SLC38A12: variants seen among roughly 807,000 people sequenced by gnomAD.
SLC38A12 encodes the protein putative sodium-coupled neutral amino acid transporter 12.
chr17:74,812,698 C>T, the SLC38A12 span, among the ~76,000 whole-genome samples: 3 of 152,172 alleles, frequency 2.0e-5, no homozygotes, highest in Admixed American at 6.5e-5. Context: ...ACTCCAAGCC[C>T]GAGTGCTCCG....
At chr17:74,807,024 C>G in the SLC38A12 span, among the ~76,000 whole-genome samples, 1 of 152,154 alleles carries the variant, frequency 6.6e-6, no homozygotes, top group Non-Finnish European at 1.5e-5. Context: ...CACAGAAGCT[C>G]CTCTCCAGAA....
At chr17:74,821,246 C>G in the SLC38A12 span, among the ~76,000 whole-genome samples, 490 of 152,326 alleles carry the variant, frequency 3.2e-3, 3 homozygotes, top group African/African-American at 0.011. Context: ...TTGTGAGGCC[C>G]CCACAGGGGC....
At chr17:74,794,220 G>A in the SLC38A12 span, among the ~76,000 whole-genome samples, 10 of 152,228 alleles carry the variant, frequency 6.6e-5, no homozygotes, top group Non-Finnish European at 1.0e-4. Flanking sequence ...GTTTGGAGAC[G>A]TTCATGGACT....
the SLC38A12 span, chr17:74,836,036 C>A: frequency 6.2e-7 from 1 of 1,612,788 alleles, no homozygotes; most frequent in Non-Finnish European, 8.5e-7. This position sits in a 1 kb window ranked among gnomAD's most constrained non-coding sequence, Gnocchi z 4.2. Context: ...TTGGGGTGTG[C>A]GTCTACTCCT....
At chr17:74,816,686 T>TG in the SLC38A12 span, among the ~76,000 whole-genome samples, 1 of 151,158 alleles carries the variant, frequency 6.6e-6, no homozygotes. Flanking sequence ...CGTTTTTTTT[T>TG]GTTTTTTTTT....
chr17:74,799,629 C>T, the SLC38A12 span, among the ~76,000 whole-genome samples: 1 of 152,158 alleles, frequency 6.6e-6, no homozygotes, highest in Admixed American at 6.5e-5. Flanking sequence ...CCTAGAGGGC[C>T]GGGTCAGTCT....
chr17:74,837,820 C>T, the SLC38A12 span: 45 of 985,914 alleles, frequency 4.6e-5, no homozygotes, highest in East Asian at 1.1e-4. Context: ...GCATTTTCAA[C>T]GTGCCTTCTA....
At chr17:74,789,859 A>T in the SLC38A12 span, among the ~76,000 whole-genome samples, 2 of 151,310 alleles carry the variant, frequency 1.3e-5, no homozygotes, top group Admixed American at 1.3e-4. Flanking sequence ...AAAAAAAAAA[A>T]AAAAAAAAGG....
the SLC38A12 span, chr17:74,790,225 C>T: frequency 6.8e-6 from 11 of 1,614,142 alleles, no homozygotes; most frequent in East Asian, 2.2e-5. Flanking sequence ...GACTCCTCCA[C>T]AGCCTCAGAC....
chr17:74,822,884 C>G, the SLC38A12 span, among the ~76,000 whole-genome samples: 1 of 152,216 alleles, frequency 6.6e-6, no homozygotes. Flanking sequence ...TGGAGGTCCC[C>G]CTGGAGCCAC....
At chr17:74,811,384 G>A in the SLC38A12 span, among the ~76,000 whole-genome samples, 2 of 151,964 alleles carry the variant, frequency 1.3e-5, no homozygotes, top group East Asian at 3.9e-4. Context: ...GTTGAACTTG[G>A]GTGGACCTCA....
chr17:74,794,061 A>G, the SLC38A12 span, among the ~76,000 whole-genome samples: 1 of 152,238 alleles, frequency 6.6e-6, no homozygotes, highest in African/African-American at 2.4e-5. Context: ...CGTGAGCCTC[A>G]GTCTGAGCAA....
chr17:74,831,691 G>C, the SLC38A12 span, among the ~76,000 whole-genome samples: 1 of 152,234 alleles, frequency 6.6e-6, no homozygotes, highest in Non-Finnish European at 1.5e-5. Flanking sequence ...TTGGGGAACT[G>C]CAGGCCCTGC....
chr17:74,822,247 C>T, the SLC38A12 span, among the ~76,000 whole-genome samples: 27 of 152,300 alleles, frequency 1.8e-4, no homozygotes, highest in African/African-American at 6.5e-4. Context: ...CGTCTGGGGA[C>T]AGCCCGGGCC....
At chr17:74,786,260 C>T in the SLC38A12 span, among the ~76,000 whole-genome samples, 1 of 152,320 alleles carries the variant, frequency 6.6e-6, no homozygotes, top group East Asian at 1.9e-4. Flanking sequence ...GCAAGTGCCC[C>T]AGGCCAGGAA....
the SLC38A12 span, among the ~76,000 whole-genome samples, chr17:74,795,345 T>C: frequency 6.6e-6 from 1 of 152,150 alleles, no homozygotes; most frequent in Admixed American, 6.5e-5. Flanking sequence ...TCCTGAGTCA[T>C]TGGGAAATGG....
the SLC38A12 span, among the ~76,000 whole-genome samples, chr17:74,794,326 C>T: frequency 1.3e-5 from 2 of 152,318 alleles, no homozygotes; most frequent in Admixed American, 6.5e-5. Flanking sequence ...AGGGGACAAA[C>T]GTCACCTCTG....
At chr17:74,781,887 CCTT>C in the SLC38A12 span, among the ~76,000 whole-genome samples, 1 of 152,224 alleles carries the variant, frequency 6.6e-6, no homozygotes, top group Non-Finnish European at 1.5e-5. Context: ...GCCACACAGG[CCTT>C]CTGAAAGCTC....
At chr17:74,821,442 C>T in the SLC38A12 span, among the ~76,000 whole-genome samples, 1 of 152,196 alleles carries the variant, frequency 6.6e-6, no homozygotes, top group Non-Finnish European at 1.5e-5. Flanking sequence ...GTTAAATTAA[C>T]GTGACTACCT....
Sources: allele counts gnomAD v4.1 joint callset (sites outside exome capture counted in the v4.1 genomes callset), GRCh38; gene constraint gnomAD v4.1.1; non-coding constraint Gnocchi (gnomAD v3.1); transcripts MANE v1.5; gene names NCBI Gene and HGNC (gene_info 2026-07-23, HGNC 2026-07-21).